MARCHF1: variants seen among roughly 807,000 people sequenced by gnomAD.
MARCHF1 encodes E3 ubiquitin-protein ligase MARCHF1.
In MARCHF1, 40 loss-of-function variants were observed where a neutral mutation model predicts 54.2. The ratio of observed to expected loss-of-function variants is 0.74; its 90% confidence interval spans 0.57 to 0.96. MARCHF1 has a LOEUF of 0.96. Ranked by LOEUF, MARCHF1 falls within the 40% of genes least tolerant of loss-of-function variation. MARCHF1 has a pLI of 0.00. For synonymous variants in MARCHF1, 236 were observed against 236.3 expected (o/e 1.00, Z 0.01); for missense variants, 586 against 656.5 (o/e 0.89, Z 1.17).
At chr4:163,815,846 AC>A (rs1420633482) in intron 4 of MARCHF1, among the ~76,000 whole-genome samples, 2 of 152,216 alleles carry the variant, frequency 1.3e-5, no homozygotes, top group African/African-American at 4.8e-5. Context: ...TAATACAGAA[AC>A]AGGGAAATGA....
chr4:164,338,204 T>C (rs928028147), intron 1 of MARCHF1, among the ~76,000 whole-genome samples: 6 of 152,126 alleles, frequency 3.9e-5, no homozygotes, highest in Non-Finnish European at 8.8e-5. Flanking sequence ...TTATAACTTA[T>C]AGACTATTAT....
intron 5 of MARCHF1, among the ~76,000 whole-genome samples, chr4:163,695,107 T>G (rs969630990): frequency 2.4e-4 from 37 of 152,266 alleles, no homozygotes; most frequent in African/African-American, 7.9e-4. Flanking sequence ...AATGGATCTC[T>G]CAATAAATCA....
chr4:163,708,114 G>T (rs180756846), intron 4 of MARCHF1, among the ~76,000 whole-genome samples: 25 of 151,680 alleles, frequency 1.6e-4, no homozygotes, highest in African/African-American at 6.0e-4. Flanking sequence ...TGTAGCAGCA[G>T]CTGGCATCTA....
chr4:163,862,404 C>T (rs940540912), intron 3 of MARCHF1, among the ~76,000 whole-genome samples: 1 of 151,890 alleles, frequency 6.6e-6, no homozygotes, highest in African/African-American at 2.4e-5. Flanking sequence ...ATAATCTGAA[C>T]AGACATTTCA....
intron 1 of MARCHF1, among the ~76,000 whole-genome samples, chr4:164,319,602 T>C (rs774963241): frequency 1.1e-4 from 16 of 152,182 alleles, no homozygotes; most frequent in Non-Finnish European, 2.1e-4. Context: ...GGAAAGAATG[T>C]GAAAAATGTC....
chr4:164,259,544 CAAAAAA>C (rs141030578), intron 1 of MARCHF1, among the ~76,000 whole-genome samples: 148 of 58,952 alleles, frequency 2.5e-3, no homozygotes, highest in Middle Eastern at 0.016. Flanking sequence ...GACCGTGTCT[CAAAAAA>C]AAAAAAAAAA....
chr4:164,358,503 A>G (rs561811000), intron 1 of MARCHF1, among the ~76,000 whole-genome samples: 38 of 152,304 alleles, frequency 2.5e-4, no homozygotes, highest in African/African-American at 8.9e-4. Flanking sequence ...ACTAAACAGG[A>G]TATCTGAAAT....
intron 1 of MARCHF1, among the ~76,000 whole-genome samples, chr4:164,187,718 C>T (rs955939549): frequency 6.6e-6 from 1 of 152,058 alleles, no homozygotes; most frequent in Non-Finnish European, 1.5e-5. Context: ...AAAGAGAAAT[C>T]AATACAACGT....
intron 1 of MARCHF1, among the ~76,000 whole-genome samples, chr4:164,211,355 AC>A (rs768980997): frequency 0.13 from 13,555 of 100,896 alleles, 749 homozygotes; most frequent in Middle Eastern, 0.21. Context: ...ATATATATAT[AC>A]CACATTGCAA....
At chr4:163,823,727 A>G (rs1477640158) in intron 4 of MARCHF1, among the ~76,000 whole-genome samples, 2 of 151,894 alleles carry the variant, frequency 1.3e-5, no homozygotes, top group Non-Finnish European at 2.9e-5. Flanking sequence ...AATGATCAAA[A>G]GTAGTAATTA....
At position 163,528,134 on chromosome 4, in the gene MARCHF1, A is replaced by G. The variant is rs1738200504; in HGVS notation, c.*614T>C. 6.6e-6 allele frequency: 1 copy of G among 152,540 alleles called. No homozygotes were observed. Among genetic ancestry groups the G allele is most frequent in the Admixed American group, 6.6e-5 (1 of 15,246 alleles). The allele number at this position is 152,540 out of a possible 1,614,324, so 9.4% of individuals were successfully genotyped here. A position where few individuals can be genotyped will look rare whatever the true frequency, so the allele number is the denominator to read the frequency against. ...ACTTAAACAAACGTAATTAATTCCA[A>G]ATATCAATGTCTTCAAATGTATATT... On this transcript the variant is annotated 3_prime_UTR_variant, in exon 10 of 10. Transcript: ENST00000514618.
chr4:164,223,541 G>T (rs1036643914), intron 1 of MARCHF1, among the ~76,000 whole-genome samples: 1 of 151,968 alleles, frequency 6.6e-6, no homozygotes, highest in Non-Finnish European at 1.5e-5. Context: ...TCTAAATCCA[G>T]TGTTTTAGTC....
chr4:163,728,988 C>T (rs1006486879), intron 4 of MARCHF1, among the ~76,000 whole-genome samples: 2 of 152,070 alleles, frequency 1.3e-5, no homozygotes, highest in Admixed American at 1.3e-4. Context: ...TCATGAATGG[C>T]TATTAGATTT....
chr4:163,900,327 A>T (rs1486258610), intron 3 of MARCHF1, among the ~76,000 whole-genome samples: 1 of 150,098 alleles, frequency 6.7e-6, no homozygotes. Flanking sequence ...TCCTACCCAC[A>T]GAGTATAGGT....
chr4:163,979,091 T>C (rs1752707327), intron 3 of MARCHF1, among the ~76,000 whole-genome samples: 1 of 135,060 alleles, frequency 7.4e-6, no homozygotes, highest in Non-Finnish European at 1.6e-5. Flanking sequence ...TACATATATA[T>C]ACATGTGCCA....
intron 1 of MARCHF1, among the ~76,000 whole-genome samples, chr4:164,141,188 C>G (rs1383309533): frequency 6.6e-6 from 1 of 152,176 alleles, no homozygotes; most frequent in Non-Finnish European, 1.5e-5. Flanking sequence ...CCTTATCCTT[C>G]CTTTGTGGCA....
At chr4:163,945,134 A>C (rs1751998389) in intron 3 of MARCHF1, among the ~76,000 whole-genome samples, 3 of 152,198 alleles carry the variant, frequency 2.0e-5, no homozygotes, top group Admixed American at 2.0e-4. Flanking sequence ...CTACTCCCAA[A>C]GATTTCAAGA....
intron 1 of MARCHF1, among the ~76,000 whole-genome samples, chr4:164,330,374 A>G (rs1448708953): frequency 6.6e-6 from 1 of 152,072 alleles, no homozygotes; most frequent in Non-Finnish European, 1.5e-5. Flanking sequence ...AGAAATTCCG[A>G]AGTTTGTCAT....
intron 4 of MARCHF1, among the ~76,000 whole-genome samples, chr4:163,737,935 T>TTTGTTTGCCAG: frequency 1.3e-5 from 1 of 76,624 alleles, no homozygotes; most frequent in Admixed American, 1.3e-4. Context: ...CTATAAATCA[T>TTTGTTTGCCAG]GCTGCTCTAA....
Sources: allele counts gnomAD v4.1 joint callset (sites outside exome capture counted in the v4.1 genomes callset), GRCh38; gene constraint gnomAD v4.1.1; transcripts MANE v1.5; gene names NCBI Gene and HGNC (gene_info 2026-07-23, HGNC 2026-07-21).